SYT1: variants seen among roughly 807,000 people sequenced by gnomAD.
SYT1 encodes synaptotagmin-1.
SYT1 carries 8 observed loss-of-function variants against 44.8 expected under a neutral mutation model. The ratio of observed to expected loss-of-function variants is 0.18; its 90% CI spans 0.10 to 0.32. The LOEUF (loss-of-function observed/expected upper bound fraction) is 0.32. SYT1 is among the 10% of genes least tolerant of loss of function. SYT1 has a pLI of 1.00. For synonymous variants in SYT1, 154 were observed against 188.8 expected (o/e 0.82, Z 1.51); for missense variants, 286 against 509.3 (o/e 0.56, Z 4.22).
intron 2 of SYT1, among the ~76,000 whole-genome samples, chr12:79,044,693 G>C (rs1277332313): frequency 2.7e-5 from 4 of 150,348 alleles, no homozygotes; most frequent in Non-Finnish European, 5.9e-5. Flanking sequence ...CTTTGGAGGA[G>C]GAGAGGCACT....
chr12:78,937,312 G>C (rs1878115582), intron 1 of SYT1, among the ~76,000 whole-genome samples: 1 of 151,970 alleles, frequency 6.6e-6, no homozygotes. Context: ...GATGCTTTGG[G>C]TACTCTCCTT....
At chr12:78,946,746 T>C (rs1913626) in intron 1 of SYT1, among the ~76,000 whole-genome samples, 62,026 of 151,854 alleles carry the variant, frequency 0.41, 12,882 homozygotes, top group East Asian at 0.52. Flanking sequence ...TTATAAAACC[T>C]GGAGCAATTC....
In SYT1 at chr12:79,250,727, T is replaced by TAA. The variant is rs1361365738; in HGVS notation, c.166+33042_166+33043insAA. ...GGGGGGAACTCAACTTCAACTTGTG[T>TAA]GTTAAGGGGAATTTTTTGTTTGTTG... is the stretch of plus-strand genomic sequence containing the variant. On this transcript the variant is annotated intron_variant, in intron 4 of 10. Coordinates refer to ENST00000261205, the MANE Select transcript of SYT1 (RefSeq NM_005639.3). Among the ~76,000 whole-genome samples the TAA allele has an allele frequency of 7.9e-3, 1,197 of 152,266 alleles. 11 individuals carry two copies. Among genetic ancestry groups the TAA allele is most frequent in the Middle Eastern group, 0.038 (11 of 292 alleles).
chr12:79,120,890 C>A (rs1450595357), intron 3 of SYT1, among the ~76,000 whole-genome samples: 1 of 150,778 alleles, frequency 6.6e-6, no homozygotes, highest in African/African-American at 2.4e-5. Flanking sequence ...AGGTGCCTGA[C>A]CTTGAAGGAA....
intron 3 of SYT1, among the ~76,000 whole-genome samples, chr12:79,200,223 C>T (rs1306569210): frequency 6.6e-6 from 1 of 152,052 alleles, no homozygotes; most frequent in Admixed American, 6.6e-5. Flanking sequence ...GATAAAGATA[C>T]CAGATCTGAG....
chr12:79,135,224 G>A (rs1212503523), intron 3 of SYT1, among the ~76,000 whole-genome samples: 3 of 151,646 alleles, frequency 2.0e-5, no homozygotes, highest in African/African-American at 7.3e-5. Flanking sequence ...TTTAGCATTA[G>A]GTATATCTCC....
chr12:79,153,530 C>A (rs1870406366), intron 3 of SYT1, among the ~76,000 whole-genome samples: 1 of 152,004 alleles, frequency 6.6e-6, no homozygotes, highest in Non-Finnish European at 1.5e-5. Context: ...TTAATTATGA[C>A]TGGAAAAAAT....
At chr12:79,423,336 T>A (rs1368671089) in intron 9 of SYT1, among the ~76,000 whole-genome samples, 1 of 152,162 alleles carries the variant, frequency 6.6e-6, no homozygotes, top group African/African-American at 2.4e-5. Flanking sequence ...TTGTTTTTAG[T>A]TCTGAGAGAA....
intron 2 of SYT1, among the ~76,000 whole-genome samples, chr12:78,995,606 A>C (rs1870324112): frequency 6.6e-6 from 1 of 152,246 alleles, no homozygotes; most frequent in Non-Finnish European, 1.5e-5. Context: ...TTTCGCCAGC[A>C]TATCTTAGAA....
At chr12:78,947,232 C>T (rs1027053889) in intron 1 of SYT1, among the ~76,000 whole-genome samples, 1 of 152,086 alleles carries the variant, frequency 6.6e-6, no homozygotes, top group Non-Finnish European at 1.5e-5. Context: ...ATTTCTTGAG[C>T]TTTTAGGTAC....
At chr12:79,351,971 CAG>C (rs1257479444) in intron 8 of SYT1, among the ~76,000 whole-genome samples, 1 of 151,942 alleles carries the variant, frequency 6.6e-6, no homozygotes, top group Non-Finnish European at 1.5e-5. Flanking sequence ...GAGACAAAAA[CAG>C]AGTTCTTGGT....
At chr12:79,234,468 A>C (rs1046730456) in intron 4 of SYT1, among the ~76,000 whole-genome samples, 1 of 152,220 alleles carries the variant, frequency 6.6e-6, no homozygotes, top group South Asian at 2.1e-4. Flanking sequence ...CTGTTATTAC[A>C]AATTAGTTAT....
At chr12:79,051,116 A>G (rs776066545) in intron 3 of SYT1, among the ~76,000 whole-genome samples, 4 of 151,880 alleles carry the variant, frequency 2.6e-5, no homozygotes, top group Non-Finnish European at 4.4e-5. Context: ...AAGTGCTGTT[A>G]TTAAAAAATG....
chr12:79,196,616 T>C (rs1174497523), intron 3 of SYT1, among the ~76,000 whole-genome samples: 1 of 152,212 alleles, frequency 6.6e-6, no homozygotes, highest in Non-Finnish European at 1.5e-5. Context: ...TGTGTCCCTT[T>C]AACCTTTGAA....
intron 9 of SYT1, among the ~76,000 whole-genome samples, chr12:79,442,370 GA>G (rs1029537756): frequency 6.6e-6 from 1 of 152,102 alleles, no homozygotes; most frequent in African/African-American, 2.4e-5. Flanking sequence ...GTTTACAGTG[GA>G]TTTTTTTTTA....
intron 2 of SYT1, among the ~76,000 whole-genome samples, chr12:79,035,977 T>C (rs941179994): frequency 6.6e-6 from 1 of 150,540 alleles, no homozygotes; most frequent in Non-Finnish European, 1.5e-5. Context: ...GGTAGAGGCA[T>C]CACAGAAGTC....
chr12:79,441,257 T>C (rs1870397347), intron 9 of SYT1, among the ~76,000 whole-genome samples: 1 of 152,204 alleles, frequency 6.6e-6, no homozygotes, highest in Non-Finnish European at 1.5e-5. Context: ...TTATAGCAGT[T>C]CCAAACCTGC....
chr12:78,994,159 G>T (rs1870204293), intron 2 of SYT1, among the ~76,000 whole-genome samples: 1 of 152,188 alleles, frequency 6.6e-6, no homozygotes, highest in Non-Finnish European at 1.5e-5. Context: ...CAACCTGTCA[G>T]TGTAGTTTAG....
intron 8 of SYT1, among the ~76,000 whole-genome samples, chr12:79,331,333 C>G (rs948039529): frequency 1.4e-4 from 21 of 152,138 alleles, no homozygotes; most frequent in Non-Finnish European, 4.4e-5. Flanking sequence ...TCATATATAT[C>G]TATGATTCAT....
Sources: allele counts gnomAD v4.1 joint callset (sites outside exome capture counted in the v4.1 genomes callset), GRCh38; gene constraint gnomAD v4.1.1; transcripts MANE v1.5; gene names NCBI Gene and HGNC (gene_info 2026-07-23, HGNC 2026-07-21).